Variants in ABCB4 observed in about 807,000 individuals in gnomAD.
The protein encoded by ABCB4 is phosphatidylcholine translocator ABCB4.
A neutral mutation model predicts 145.7 loss-of-function variants in ABCB4; 76 were observed. The observed-to-expected ratio is 0.52, with a 90% CI of 0.43 to 0.63. ABCB4 has a LOEUF of 0.63. Among genes scored for constraint, ABCB4 ranks in the 30% least tolerant of loss-of-function variants. The pLI is 0.00. For missense variants in ABCB4, 1,234 were observed against 1,553.1 expected (o/e 0.79, Z 3.45); for synonymous variants, 517 against 566.8 (o/e 0.91, Z 1.25).
chr7:87,422,538 G>C (rs1210210843), intron 17 of ABCB4, among the ~76,000 whole-genome samples: 2 of 152,048 alleles, frequency 1.3e-5, no homozygotes, highest in African/African-American at 4.8e-5. Flanking sequence ...CCTCCTCCCA[G>C]CTCCTGGTAA....
chr7:87,463,229 G>A (rs1040332837), intron 3 of ABCB4, among the ~76,000 whole-genome samples: 1 of 146,748 alleles, frequency 6.8e-6, no homozygotes, highest in East Asian at 2.0e-4. Flanking sequence ...AACGGCTAGG[G>A]AAAGACATTA....
Position 87,443,404 on chromosome 7 carries a change from G to C in ABCB4, c.1271C>G (p.Thr424Arg), listed in dbSNP as rs145811290. 6.2e-7 allele frequency: 1 copy of C among 1,613,814 alleles called. No individual in the cohort carries two copies. Among genetic ancestry groups the C allele is most frequent in the African/African-American group, 1.3e-5 (1 of 74,868 alleles). The change falls in exon 12 of 28, where the codon ACG becomes AGG. Residue 424 changes from threonine to arginine, a missense_variant. By Grantham distance (71) the Thr-to-Arg change is moderately conservative. Around this residue, in one of 7 missense-constraint regions of ABCB4, gnomAD observed 467 missense variants for 632.8 expected, o/e 0.74. Coordinates refer to ENST00000649586, the MANE Select transcript of ABCB4 (RefSeq NM_000443.4). ...GLNLKVQSGQ[T>R]VALVGSSGCG... The stretch of plus-strand genomic sequence containing the variant: ...GCCACTACTTCCAACCAGGGCCACC[G>C]TCTGCCCACTCTGCACCTTCAGGTT...
At chr7:87,385,137 CT>C in the ABCB4 span, among the ~76,000 whole-genome samples, 244 of 143,276 alleles carry the variant, frequency 1.7e-3, no homozygotes, top group Admixed American at 1.9e-3. Context: ...ATACCTCAAG[CT>C]TTTTTTTTTT....
chr7:87,412,105 G>A (rs1376860646), intron 22 of ABCB4, 72 bp from the exon 23 acceptor site: 15 of 1,581,704 alleles, frequency 9.5e-6, no homozygotes, highest in Admixed American at 5.0e-5. Flanking sequence ...GAAAGAGCAC[G>A]GCTTCTAAGT....
chr7:87,426,957 G>GTGTA, intron 15 of ABCB4, 37 bp from the exon 16 acceptor site: 1 of 1,504,130 alleles, frequency 6.6e-7, no homozygotes, highest in Non-Finnish European at 9.2e-7. Context: ...GTGTGTGTGT[G>GTGTA]TGTGTGTGTG....
chr7:87,400,755 TCAG>T (rs1427551818), downstream of ABCB4, among the ~76,000 whole-genome samples: 8 of 152,366 alleles, frequency 5.3e-5, no homozygotes, highest in East Asian at 1.2e-3. Context: ...CTTGGGATGC[TCAG>T]CCAGTGAGTA....
chr7:87,373,653 CAG>C, the ABCB4 span, among the ~76,000 whole-genome samples: 1 of 151,864 alleles, frequency 6.6e-6, no homozygotes, highest in East Asian at 1.9e-4. Context: ...ACTTTGGTAA[CAG>C]AGATTGAGAG....
At chr7:87,383,172 A>G in the ABCB4 span, among the ~76,000 whole-genome samples, 1 of 152,154 alleles carries the variant, frequency 6.6e-6, no homozygotes. Flanking sequence ...ATTGTTAACT[A>G]TAGTCAACCT....
chr7:87,423,553 C>A (rs1809597445), intron 17 of ABCB4: 3 of 348,586 alleles, frequency 8.6e-6, no homozygotes, highest in East Asian at 7.4e-5. Flanking sequence ...ATGACTTTAA[C>A]CCCTCCCTGC....
the ABCB4 span, among the ~76,000 whole-genome samples, chr7:87,381,634 T>C: frequency 6.6e-6 from 1 of 152,170 alleles, no homozygotes; most frequent in Non-Finnish European, 1.5e-5. Context: ...ATCTAGATTG[T>C]TTATATGTTA....
the ABCB4 span, chr7:87,381,893 G>A: frequency 1.3e-6 from 2 of 1,560,028 alleles, no homozygotes; most frequent in Non-Finnish European, 1.7e-6. Context: ...CAGAAATCTT[G>A]TGTGTTCTCA....
intron 3 of ABCB4, among the ~76,000 whole-genome samples, chr7:87,468,802 G>A (rs931815170): frequency 6.6e-6 from 1 of 151,874 alleles, no homozygotes; most frequent in Non-Finnish European, 1.5e-5. Flanking sequence ...GTGGTGGTGG[G>A]GACCTGTAGT....
the ABCB4 span, among the ~76,000 whole-genome samples, chr7:87,372,007 C>CAAAAAAAAAAAAAAAA: frequency 2.4e-5 from 3 of 123,998 alleles, no homozygotes; most frequent in Non-Finnish European, 1.7e-5. Context: ...AAAAAAAAAA[C>CAAAAAAAAAAAAAAAA]AAAAAAAAAA....
Position 87,462,815 on chromosome 7 carries a change from C to G in ABCB4, c.229G>C (p.Val77Leu). Residue 77 changes from valine (V) to leucine (L), a missense_variant, in exon 4 of 28, where the codon GTA (valine) becomes CTA (leucine). Transcript: ENST00000649586. ...AATTTGTCAGTCATCTCTCCAAATA[C>G]TATCATCATGAGGGGGAGACCTGAT... Reference protein sequence around the residue: ...HGSGLPLMMIVFGEMTDKFVD... With the variant: ...HGSGLPLMMILFGEMTDKFVD... 1.9e-6 allele frequency: 3 copies of G among 1,613,832 alleles called. No individual in the cohort carries two copies. Among genetic ancestry groups the G allele is most frequent in the East Asian group, 2.2e-5 (1 of 44,846 alleles).
At chr7:87,384,261 A>G in the ABCB4 span, among the ~76,000 whole-genome samples, 7 of 152,038 alleles carry the variant, frequency 4.6e-5, no homozygotes, top group South Asian at 4.1e-4. Context: ...CACTGGGCGC[A>G]TGGCTCACAC....
intron 7 of ABCB4, among the ~76,000 whole-genome samples, chr7:87,451,207 C>T (rs1811702339): frequency 6.7e-6 from 1 of 149,694 alleles, no homozygotes; most frequent in Non-Finnish European, 1.5e-5. Context: ...ATGATCTGGG[C>T]TCACTGCGAC....
At chr7:87,449,778 G>T (rs971449877) in intron 8 of ABCB4, among the ~76,000 whole-genome samples, 190 bp downstream of exon 8, 5 of 152,076 alleles carry the variant, frequency 3.3e-5, no homozygotes, top group African/African-American at 1.2e-4. Flanking sequence ...AGAGTCCATG[G>T]AACATAAATG....
At chr7:87,412,326 C>G (rs1808680685) in intron 22 of ABCB4, among the ~76,000 whole-genome samples, 1 of 152,172 alleles carries the variant, frequency 6.6e-6, no homozygotes, top group South Asian at 2.1e-4. Flanking sequence ...CTCCAATGTT[C>G]AACTCCTATT....
the ABCB4 span, among the ~76,000 whole-genome samples, chr7:87,381,554 C>A: frequency 2.0e-5 from 3 of 152,298 alleles, no homozygotes; most frequent in Non-Finnish European, 4.4e-5. Flanking sequence ...CCTGTTCTTA[C>A]AATTCCAGAA....
Sources: gnomAD v4.1 joint callset for allele counts (sites outside exome capture counted in the v4.1 genomes callset) on GRCh38, gnomAD v4.1.1 for gene constraint, gnomAD v4.1.1 regional missense constraint, MANE v1.5 for transcripts, NCBI Gene and HGNC (gene_info 2026-07-23, HGNC 2026-07-21) for gene names.